ST7: variants seen among roughly 807,000 people sequenced by gnomAD.
ST7 encodes the protein suppressor of tumorigenicity 7 protein.
In ST7, 28 loss-of-function variants were observed where a neutral mutation model predicts 78.7. That is an observed-to-expected ratio of 0.36 (90% CI 0.26 to 0.49). The LOEUF (loss-of-function observed/expected upper bound fraction) is 0.49. ST7 is among the 20% of genes least tolerant of loss of function. The probability of loss-of-function intolerance (pLI) is 0.99; values close to 1 mark genes in which losing one functional copy is unlikely to be tolerated. For missense variants in ST7, 418 were observed against 696.0 expected (o/e 0.60, Z 4.49); for synonymous variants, 247 against 249.6 (o/e 0.99, Z 0.10).
At chr7:117,016,376 A>G (rs1563013606) in intron 1 of ST7, among the ~76,000 whole-genome samples, 1 of 152,180 alleles carries the variant, frequency 6.6e-6, no homozygotes, top group Admixed American at 6.5e-5. Context: ...GTAAAATCCT[A>G]CCACAGAGCT....
intron 1 of ST7, among the ~76,000 whole-genome samples, chr7:116,976,031 C>A (rs1793687487): frequency 1.3e-5 from 2 of 152,000 alleles, no homozygotes; most frequent in African/African-American, 4.8e-5. Context: ...GAGGCCGAGG[C>A]AGGCAGATCA....
At chr7:117,011,253 A>G (rs571652017) in intron 1 of ST7, among the ~76,000 whole-genome samples, 2 of 152,314 alleles carry the variant, frequency 1.3e-5, no homozygotes, top group South Asian at 4.1e-4. Flanking sequence ...GAGGCTCCCC[A>G]GAACATCAGC....
At chr7:116,969,030 C>G (rs1270827846) in intron 1 of ST7, among the ~76,000 whole-genome samples, 1 of 152,226 alleles carries the variant, frequency 6.6e-6, no homozygotes, top group African/African-American at 2.4e-5. Flanking sequence ...GGTGACCCAT[C>G]ATCCATATTT....
At chr7:117,181,840 C>T (rs1808794998) in intron 10 of ST7, among the ~76,000 whole-genome samples, 2 of 152,130 alleles carry the variant, frequency 1.3e-5, no homozygotes, top group Non-Finnish European at 2.9e-5. Flanking sequence ...AAATGTTTAT[C>T]TTATTAGTGT....
chr7:117,158,886 T>C (rs1806911141), intron 9 of ST7, among the ~76,000 whole-genome samples: 1 of 152,204 alleles, frequency 6.6e-6, no homozygotes, highest in African/African-American at 2.4e-5. Context: ...AACTTGCAAC[T>C]ATAACAAAAT....
chr7:117,041,115 A>C (rs1584506134), intron 1 of ST7, among the ~76,000 whole-genome samples: 1 of 152,306 alleles, frequency 6.6e-6, no homozygotes, highest in Non-Finnish European at 1.5e-5. Flanking sequence ...GGCCCTCAAC[A>C]TGAACAAGAA....
At chr7:116,993,792 C>A (rs1032071573) in intron 1 of ST7, among the ~76,000 whole-genome samples, 3 of 152,208 alleles carry the variant, frequency 2.0e-5, no homozygotes, top group African/African-American at 7.2e-5. Context: ...CATGTAGAAA[C>A]TTCACAACTA....
chr7:117,021,320 C>G (rs1200674300), intron 1 of ST7, among the ~76,000 whole-genome samples: 1 of 152,130 alleles, frequency 6.6e-6, no homozygotes, highest in Non-Finnish European at 1.5e-5. Flanking sequence ...AAAATTACAA[C>G]CAAACTATGT....
intron 9 of ST7, 146 bp downstream of exon 9, chr7:117,138,678 A>C (rs1313917574): frequency 1.9e-6 from 1 of 530,486 alleles, no homozygotes; most frequent in African/African-American, 1.9e-5. Flanking sequence ...TTCCCAATTT[A>C]CTAGATGAAT....
chr7:117,124,074 T>C (rs1284357876), intron 3 of ST7, among the ~76,000 whole-genome samples: 1 of 152,098 alleles, frequency 6.6e-6, no homozygotes, highest in Non-Finnish European at 1.5e-5. Flanking sequence ...TTTTATTACA[T>C]GGCCAGAAGC....
At chr7:116,975,821 G>A (rs1474310727) in intron 1 of ST7, among the ~76,000 whole-genome samples, 3 of 152,068 alleles carry the variant, frequency 2.0e-5, no homozygotes, top group African/African-American at 7.2e-5. Context: ...TATTAGATCT[G>A]ATTGGTCTGA....
At chr7:116,976,713 G>A (rs1362138788) in intron 1 of ST7, among the ~76,000 whole-genome samples, 1 of 152,210 alleles carries the variant, frequency 6.6e-6, no homozygotes, top group Non-Finnish European at 1.5e-5. Flanking sequence ...TGGCAATGAT[G>A]TGGATTAGAA....
chr7:117,097,904 A>ATTTTTTTTTTTTTTTT (rs1171743827), intron 1 of ST7, among the ~76,000 whole-genome samples: 1 of 33,720 alleles, frequency 3.0e-5, no homozygotes, highest in African/African-American at 9.7e-5. Context: ...ATATATATAT[A>ATTTTTTTTTTTTTTTT]TATATTTTTT....
chr7:117,130,803 C>A, intron 5 of ST7, 197 bp downstream of exon 5: 1 of 428,750 alleles, frequency 2.3e-6, no homozygotes, highest in Non-Finnish European at 4.1e-6. Context: ...AATGAGTCCC[C>A]TCATAATAAT....
At chr7:117,063,799 G>T (rs1213596225) in intron 1 of ST7, among the ~76,000 whole-genome samples, 1 of 152,122 alleles carries the variant, frequency 6.6e-6, no homozygotes, top group Non-Finnish European at 1.5e-5. Context: ...TTCTTTGAAG[G>T]TAGCTGAATT....
At chr7:117,001,231 G>A (rs1054600358) in intron 1 of ST7, among the ~76,000 whole-genome samples, 2 of 152,142 alleles carry the variant, frequency 1.3e-5, no homozygotes, top group Non-Finnish European at 2.9e-5. Context: ...AGTAGTATTC[G>A]CCTGCCTCCA....
At chr7:117,149,485 A>G (rs971193173) in intron 9 of ST7, among the ~76,000 whole-genome samples, 4 of 149,776 alleles carry the variant, frequency 2.7e-5, no homozygotes, top group Non-Finnish European at 5.9e-5. Context: ...CTCTGCTCCT[A>G]CTCTGATGGG....
At position 117,076,153 on chromosome 7, in the gene ST7, G is replaced by A. The variant is rs527580526; in HGVS notation, c.152-23609G>A. The stretch of plus-strand genomic sequence containing the variant: ...GCACCTGATTAAAGCCTTCTTCCTT[G>A]GCAATACTTGCCACCTTAGTGATTG... On this transcript the variant is annotated intron_variant, in intron 1 of 15. Coordinates refer to ENST00000323984, the MANE Select transcript of ST7 (RefSeq NM_001369598.1). Among the ~76,000 whole-genome samples the A allele has an allele frequency of 2.6e-5, 4 of 152,308 alleles. No homozygotes were observed. The South Asian group carries it at 8.3e-4, about 32-fold the overall frequency.
chr7:117,042,213 A>G (rs532711157), intron 1 of ST7, among the ~76,000 whole-genome samples: 2 of 152,276 alleles, frequency 1.3e-5, no homozygotes, highest in South Asian at 4.1e-4. Flanking sequence ...TAGATCAATT[A>G]CTTTCTTTTT....
Sources: allele counts gnomAD v4.1 joint callset (sites outside exome capture counted in the v4.1 genomes callset), GRCh38; gene constraint gnomAD v4.1.1; transcripts MANE v1.5; gene names NCBI Gene and HGNC (gene_info 2026-07-23, HGNC 2026-07-21).